LILRA2: variants seen among roughly 807,000 people sequenced by gnomAD.
LILRA2 encodes leukocyte immunoglobulin-like receptor subfamily A member 2.
In LILRA2, 45 loss-of-function variants were observed where a neutral mutation model predicts 47.9. That is an observed-to-expected ratio of 0.94 (90% confidence interval 0.74 to 1.20). LILRA2 has a LOEUF of 1.20. Among genes scored for constraint, LILRA2 ranks in the 50% most tolerant of loss-of-function variants. LILRA2 has a pLI of 0.00. For synonymous variants in LILRA2, 279 were observed against 249.2 expected, an observed-to-expected ratio of 1.12 and a Z score of -1.13; for missense variants, 651 against 598.2, an observed-to-expected ratio of 1.09 and a Z score of -0.92.
chr19:54,589,000 C>G lies in LILRA2; in HGVS notation c.*1654C>G, dbSNP rs2062881086. On this transcript the variant is annotated 3_prime_UTR_variant, in exon 8 of 8. Transcript: ENST00000391738. Reference sequence around the variant, plus strand: ...ATTCTTAAATGACTCGTTCTACTTTCTGCTGGTCCAGGCACTCCTTGGCTT... The same window carrying G: ...ATTCTTAAATGACTCGTTCTACTTTGTGCTGGTCCAGGCACTCCTTGGCTT... 1 of 152,132 alleles carries G rather than the reference C, an allele frequency of 6.6e-6. No homozygotes were observed. Among genetic ancestry groups the G allele is most frequent in the Admixed American group, 6.5e-5 (1 of 15,286 alleles). 9.4% of individuals were successfully genotyped at this position (152,132 alleles called of 1,614,324 possible).
rs1202753705 is a variant in LILRA2 at position 54,574,107 on chromosome 19, G to A, written c.66G>A (p.Gln22=). Residue 22 remains glutamine, a synonymous_variant, in exon 2 of 8, where the codon CAG becomes CAA. Transcript: ENST00000391738. The part of the protein sequence containing the change: ...GLSLGPRTHV[Q]AGHLPKPTLW... ...GTCTGGGCCCCAGGACCCACGTGCA[G>A]GCAGGTGAGTCTGTTCCCAGCTGTC... The A allele has an allele frequency of 1.3e-5, 21 of 1,614,148 alleles. No homozygotes were observed. Among genetic ancestry groups the A allele is most frequent in the Non-Finnish European group, 1.7e-5 (20 of 1,180,052 alleles).
In LILRA2 at chr19:54,574,810, C is replaced by G. The variant is rs1600196524; in HGVS notation, c.432C>G (p.Val144=). Residue 144 remains valine (V), a synonymous_variant, in exon 4 of 8, where the codon GTC becomes GTG. Transcript: ENST00000391738. ...TSGGNVTLQC[V]SQVAFDGFIL... ...GAGGGAACGTGACCCTCCAGTGTGT[C>G]TCACAGGTGGCATTTGACGGCTTCA... The G allele has an allele frequency of 1.2e-6, 2 of 1,614,266 alleles. No individual in the cohort carries two copies. Among genetic ancestry groups the G allele is most frequent in the East Asian group, 2.2e-5 (1 of 44,888 alleles).
At chr19:54,579,328 G>T (rs1020888278) in intron 6 of LILRA2, among the ~76,000 whole-genome samples, 1 of 152,136 alleles carries the variant, frequency 6.6e-6, no homozygotes, top group Non-Finnish European at 1.5e-5. Flanking sequence ...TCTACATGTG[G>T]CTAGCCAGTT....
chr19:54,584,798 A>C (rs8103516), intron 6 of LILRA2, among the ~76,000 whole-genome samples: 10,311 of 152,134 alleles, frequency 0.068, 472 homozygotes, highest in Middle Eastern at 0.15. Flanking sequence ...CTCATTCTTC[A>C]TCCAGTCTTG....
At position 54,575,632 on chromosome 19, in the gene LILRA2, A is replaced by C; in HGVS notation, c.952+80A>C. On this transcript the variant is annotated intron_variant, in intron 5 of 7. Coordinates refer to ENST00000391738, the MANE Select transcript of LILRA2 (RefSeq NM_001130917.3). ...GGGGAGCCCAGGTGGTGATGGCCGG[A>C]ATGAGGGTTGGGGGTCCCAAGGGAG... The C allele has an allele frequency of 5.4e-6, 8 of 1,487,810 alleles. No individual in the cohort carries two copies. The South Asian group carries it at 9.8e-5, about 18-fold the overall frequency. 92.2% of individuals were successfully genotyped at this position (1,487,810 alleles called of 1,614,324 possible). A position where few individuals can be genotyped will look rare whatever the true frequency, so the allele number is the denominator to read the frequency against.
chr19:54,574,620 C>G (rs776482948), intron 3 of LILRA2, 38 bp downstream of exon 3: 1 of 1,608,946 alleles, frequency 6.2e-7, no homozygotes, highest in African/African-American at 1.3e-5. Context: ...CCAGGCTCTG[C>G]CCTCAGGAAG....
chr19:54,577,724 G>A (rs2062513524), intron 6 of LILRA2: 1 of 1,244,192 alleles, frequency 8.0e-7, no homozygotes, highest in Non-Finnish European at 1.0e-6. Context: ...GACAAGTCAG[G>A]CAAGTATTCA....
chr19:54,575,822 G>C lies in LILRA2; in HGVS notation c.968G>C (p.Arg323Thr), dbSNP rs149720719. ...DILITGQFYDRPSLSVQPVPT... is the reference protein window; with the variant it reads ...DILITGQFYDTPSLSVQPVPT... ...TTCTCTCTAGGACAGTTCTATGACA[G>C]ACCCTCTCTCTCGGTGCAGCCGGTC... The change falls in exon 6 of 8, where the codon AGA (arginine) becomes ACA (threonine). Residue 323 changes from arginine (R) to threonine (T), a missense_variant. By Grantham distance (71) the Arg-to-Thr change is moderately conservative. Coordinates refer to ENST00000391738, the MANE Select transcript of LILRA2 (RefSeq NM_001130917.3). The C allele has an allele frequency of 4.3e-6, 7 of 1,613,692 alleles. No homozygotes were observed. Among genetic ancestry groups the C allele is most frequent in the Non-Finnish European group, 5.9e-6 (7 of 1,179,874 alleles).
At chr19:54,574,649 C>T in intron 3 of LILRA2, 67 bp downstream of exon 3, 1 of 1,600,154 alleles carries the variant, frequency 6.2e-7, no homozygotes, top group Non-Finnish European at 8.5e-7. Context: ...CTCTCAGGGG[C>T]ATCTCCGCTC....
At chr19:54,582,325 G>A (rs997559241) in intron 6 of LILRA2, among the ~76,000 whole-genome samples, 2 of 152,154 alleles carry the variant, frequency 1.3e-5, no homozygotes, top group African/African-American at 2.4e-5. Flanking sequence ...TTTTTCCATT[G>A]ACTGGAGTAG....
In LILRA2 at chr19:54,575,826, C is replaced by G. The variant is rs201215108; in HGVS notation, c.972C>G (p.Pro324=). 1.2e-4 allele frequency: 197 copies of G among 1,613,322 alleles called. 2 individuals are homozygous for G. The South Asian group carries it at 2.0e-3, about 16-fold the overall frequency. ...CTCTAGGACAGTTCTATGACAGACC[C>G]TCTCTCTCGGTGCAGCCGGTCCCCA... ...ILITGQFYDR[P]SLSVQPVPTV... is the part of the protein sequence containing the mutation. Residue 324 remains proline, a synonymous_variant, in exon 6 of 8, where the codon CCC becomes CCG. Transcript: ENST00000391738.
At position 54,588,254 on chromosome 19, in the gene LILRA2, C is replaced by T. The variant is rs2062865807; in HGVS notation, c.*908C>T. 1 of 152,206 alleles carries T rather than the reference C, an allele frequency of 6.6e-6. No homozygotes were observed. Among genetic ancestry groups the T allele is most frequent in the Admixed American group, 6.5e-5 (1 of 15,282 alleles). The allele number at this position is 152,206 out of a possible 1,614,324, so 9.4% of individuals were successfully genotyped here. ...TTCTGACACTGTTATCCTAGCATAT[C>T]CACAAAAGACAAACCTATTAATATC... On this transcript the variant is annotated 3_prime_UTR_variant, in exon 8 of 8. Transcript: ENST00000391738.
At position 54,574,473 on chromosome 19, in the gene LILRA2, G is replaced by A. The variant is rs769467531; in HGVS notation, c.243G>A (p.Gln81=). ...RRIQEPGKNG[Q]FPIPSITWEH... ...TACAAGAGCCTGGGAAGAATGGCCA[G>A]TTCCCCATCCCATCCATCACCTGGG... Residue 81 remains glutamine (Q), a synonymous_variant, in exon 3 of 8, where the codon CAG becomes CAA. Transcript: ENST00000391738. 1.1e-5 allele frequency: 17 copies of A among 1,614,014 alleles called. No individual in the cohort carries two copies. The highest frequency in any genetic ancestry group is 3.3e-4 in the Middle Eastern group (2 of 6,084).
rs1333563758 is a variant in LILRA2 at position 54,574,511 on chromosome 19, G to A, written c.281G>A (p.Arg94Gln). 25 of 1,613,826 alleles carry A rather than the reference G, an allele frequency of 1.5e-5. No homozygotes were observed. Among genetic ancestry groups the A allele is most frequent in the East Asian group, 2.2e-5 (1 of 44,898 alleles). ...IPSITWEHAGRYHCQYYSHNH... is the reference protein window; with the variant it reads ...IPSITWEHAGQYHCQYYSHNH... The stretch of plus-strand genomic sequence containing the variant: ...TCCATCACCTGGGAACACGCAGGGC[G>A]GTATCACTGTCAGTACTACAGCCAC... Residue 94 changes from arginine (R) to glutamine (Q), a missense_variant, in exon 3 of 8, where the codon CGG becomes CAG. Physicochemically the swap from Arg to Gln is conservative, Grantham distance 43 (BLOSUM62 1). Transcript: ENST00000391738.
At chr19:54,576,614 G>A (rs529166192) in intron 6 of LILRA2, among the ~76,000 whole-genome samples, 2 of 152,282 alleles carry the variant, frequency 1.3e-5, no homozygotes, top group East Asian at 3.9e-4. Context: ...GGGGCTTCAG[G>A]GATGGGGCAG....
In LILRA2 at chr19:54,587,069, G is replaced by T. The variant is rs996574591; in HGVS notation, c.1306+9G>T. On this transcript the variant is annotated intron_variant, in intron 7 of 7. Coordinates refer to ENST00000391738, the MANE Select transcript of LILRA2 (RefSeq NM_001130917.3). ...GACAGACTCCACGACTAGTGAGTGA[G>T]GAGATGCTCTCAGTTATGGGACTGG... 6.2e-6 allele frequency: 10 copies of T among 1,613,448 alleles called. No individual in the cohort carries two copies. Among genetic ancestry groups the T allele is most frequent in the Non-Finnish European group, 8.5e-6 (10 of 1,179,548 alleles).
chr19:54,574,643 C>T (rs2062310213), intron 3 of LILRA2, 61 bp downstream of exon 3: 2 of 1,602,444 alleles, frequency 1.2e-6, no homozygotes, highest in Admixed American at 1.7e-5. Context: ...GGTCGGCTCT[C>T]AGGGGCATCT....
upstream of LILRA2, chr19:54,573,396 TC>T: frequency 1.1e-6 from 1 of 914,486 alleles, no homozygotes; most frequent in Non-Finnish European, 1.8e-6. Context: ...ACCTGGGTTT[TC>T]CCTGAAGCAT....
rs894827528 is a variant in LILRA2, at chr19:54,577,982, C to G, written c.1255+1873C>G. ...ATTAATATCAACTCTTCCTCCTTCA[C>G]ACATTAAAAATGAAGATTTTCTTAA... On this transcript the variant is annotated intron_variant, in intron 6 of 7. Transcript: ENST00000391738. Among the ~76,000 whole-genome samples the G allele has an allele frequency of 1.6e-3, 241 of 151,418 alleles. No individual in the cohort carries two copies. In the South Asian group the frequency reaches 0.033, roughly 21 times the overall value.
Sources: gnomAD v4.1 joint callset for allele counts (sites outside exome capture counted in the v4.1 genomes callset) on GRCh38, gnomAD v4.1.1 for gene constraint, MANE v1.5 for transcripts, NCBI Gene and HGNC (gene_info 2026-07-23, HGNC 2026-07-21) for gene names.